DCAF12: variants seen among roughly 807,000 people sequenced by gnomAD.
DCAF12 encodes DDB1- and CUL4-associated factor 12.
A neutral mutation model predicts 52.8 loss-of-function variants in DCAF12; 28 were observed. The ratio of observed to expected loss-of-function variants is 0.53; its 90% CI spans 0.39 to 0.73. The LOEUF (loss-of-function observed/expected upper bound fraction) is 0.73. Among genes scored for constraint, DCAF12 ranks in the 30% least tolerant of loss-of-function variants. The pLI is 0.00. For synonymous variants in DCAF12, 196 were observed against 215.5 expected (o/e 0.91, Z 0.79); for missense variants, 425 against 552.2 (o/e 0.77, Z 2.31).
chr9:34,090,782 G>A (rs2131424629), intron 7 of DCAF12, among the ~76,000 whole-genome samples: 1 of 151,848 alleles, frequency 6.6e-6, no homozygotes, highest in Admixed American at 6.6e-5. Context: ...AGCCTCCCAA[G>A]TAGCTGGAAC....
At chr9:34,118,316 T>C (rs1477648596) in intron 2 of DCAF12, among the ~76,000 whole-genome samples, 1 of 152,106 alleles carries the variant, frequency 6.6e-6, no homozygotes, top group Non-Finnish European at 1.5e-5. Flanking sequence ...GTGTTTTTAG[T>C]AGAGACGGGA....
intron 2 of DCAF12, among the ~76,000 whole-genome samples, chr9:34,116,973 C>T (rs186966630): frequency 1.4e-4 from 21 of 152,270 alleles, no homozygotes; most frequent in Admixed American, 5.2e-4. Flanking sequence ...CGCGAGACTC[C>T]GTCTCAAAAA....
chr9:34,116,680 ATAAAT>A (rs1247624521), intron 2 of DCAF12, among the ~76,000 whole-genome samples: 1 of 151,676 alleles, frequency 6.6e-6, no homozygotes, highest in East Asian at 1.9e-4. Flanking sequence ...AATAATAATA[ATAAAT>A]TAATAAATAA....
At chr9:34,123,106 TG>T (rs1829199829) in intron 2 of DCAF12, among the ~76,000 whole-genome samples, 1 of 152,238 alleles carries the variant, frequency 6.6e-6, no homozygotes, top group Non-Finnish European at 1.5e-5. Flanking sequence ...CTGTTACTGC[TG>T]TGCTAGCTGG....
At chr9:34,097,053 G>A (rs572274310) in intron 5 of DCAF12, among the ~76,000 whole-genome samples, 1 of 152,164 alleles carries the variant, frequency 6.6e-6, no homozygotes, top group East Asian at 1.9e-4. Context: ...GAGAGTTAAA[G>A]CAGGGCACAT....
chr9:34,124,816 T>C (rs1829222048), intron 2 of DCAF12, among the ~76,000 whole-genome samples: 1 of 151,874 alleles, frequency 6.6e-6, no homozygotes, highest in Non-Finnish European at 1.5e-5. Flanking sequence ...AGAAATACAC[T>C]CCTTTGAGGA....
At chr9:34,098,584 A>G (rs1224755501) in intron 4 of DCAF12, 67 bp from the exon 5 acceptor site, 1 of 1,512,238 alleles carries the variant, frequency 6.6e-7, no homozygotes, top group Non-Finnish European at 9.0e-7. Context: ...CACAGACGCC[A>G]AAGAGGGCTT....
rs143952809 is a variant in DCAF12, at chr9:34,103,278, G to A, written c.601+3156C>T. The stretch of plus-strand genomic sequence containing the variant: ...ACAAACCAGCCCGGCGTGGTGGCAC[G>A]CGCCTGTAGTCCCAGCTACTCAGAA... On this transcript the variant is annotated intron_variant, in intron 4 of 8. Transcript: ENST00000361264. Among the ~76,000 whole-genome samples the A allele has an allele frequency of 3.6e-3, 545 of 150,484 alleles. 2 individuals are homozygous for A. The highest frequency in any genetic ancestry group is 0.012 in the African/African-American group (505 of 40,974).
intron 4 of DCAF12, among the ~76,000 whole-genome samples, chr9:34,104,043 C>A (rs1587735441): frequency 6.6e-6 from 1 of 151,806 alleles, no homozygotes; most frequent in East Asian, 1.9e-4. Context: ...CCGATGCAGG[C>A]AGATCACTTG....
At chr9:34,121,215 C>T (rs1829169893) in intron 2 of DCAF12, among the ~76,000 whole-genome samples, 1 of 152,056 alleles carries the variant, frequency 6.6e-6, no homozygotes, top group African/African-American at 2.4e-5. Flanking sequence ...AAAGATCAAA[C>T]ATCCCCTTAA....
intron 4 of DCAF12, among the ~76,000 whole-genome samples, chr9:34,099,297 C>T (rs1828789682): frequency 6.6e-6 from 1 of 151,778 alleles, no homozygotes; most frequent in African/African-American, 2.4e-5. Context: ...AGTGCAATGG[C>T]GCAATCTTGG....
At chr9:34,108,818 T>C (rs972300211) in intron 2 of DCAF12, among the ~76,000 whole-genome samples, 1 of 146,354 alleles carries the variant, frequency 6.8e-6, no homozygotes. Flanking sequence ...AATAAATATA[T>C]ATATATATAT....
At chr9:34,099,862 G>A (rs1320409346) in intron 4 of DCAF12, among the ~76,000 whole-genome samples, 3 of 152,156 alleles carry the variant, frequency 2.0e-5, no homozygotes, top group Non-Finnish European at 4.4e-5. Flanking sequence ...AAAGTGCTGG[G>A]ATTACAGGCA....
chr9:34,114,610 G>A (rs1312655924), intron 2 of DCAF12, among the ~76,000 whole-genome samples: 3 of 152,150 alleles, frequency 2.0e-5, no homozygotes, highest in Non-Finnish European at 4.4e-5. Flanking sequence ...TTCCCAGAAT[G>A]AGGCTGCTCC....
intron 6 of DCAF12, among the ~76,000 whole-genome samples, chr9:34,094,772 C>T (rs866774475): frequency 2.6e-5 from 4 of 151,934 alleles, no homozygotes; most frequent in African/African-American, 4.8e-5. Flanking sequence ...CCTTGCGATC[C>T]GCCCACCTTG....
chr9:34,098,246 G>A, intron 5 of DCAF12, 78 bp downstream of exon 5: 1 of 1,451,136 alleles, frequency 6.9e-7, no homozygotes, highest in Non-Finnish European at 9.5e-7. Flanking sequence ...AAGCACTGAT[G>A]GGGAAGGAAA....
At chr9:34,097,535 C>T (rs1056217509) in intron 5 of DCAF12, among the ~76,000 whole-genome samples, 3 of 151,914 alleles carry the variant, frequency 2.0e-5, no homozygotes, top group Non-Finnish European at 4.4e-5. Context: ...GGATTACAGG[C>T]GTGAGTCACT....
intron 2 of DCAF12, among the ~76,000 whole-genome samples, chr9:34,119,081 A>G (rs1829132838): frequency 6.6e-6 from 1 of 152,212 alleles, no homozygotes; most frequent in Non-Finnish European, 1.5e-5. Context: ...CCCATTGAGA[A>G]TCAAGAGCCC....
At chr9:34,125,560 G>C in intron 1 of DCAF12, 1 of 538,562 alleles carries the variant, frequency 1.9e-6, no homozygotes, top group South Asian at 1.5e-5. Flanking sequence ...AGACATTTTA[G>C]GAGTGAAAGA....
Sources: allele counts gnomAD v4.1 joint callset (sites outside exome capture counted in the v4.1 genomes callset), GRCh38; gene constraint gnomAD v4.1.1; transcripts MANE v1.5; gene names NCBI Gene and HGNC (gene_info 2026-07-23, HGNC 2026-07-21).